Variants in ERICH1 observed in about 807,000 individuals in gnomAD.
The protein encoded by ERICH1 is glutamate-rich protein 1.
Under a neutral mutation model 39.6 loss-of-function variants are expected in ERICH1, and 56 were observed. The observed-to-expected ratio is 1.41, with a 90% CI of 1.14 to 1.77. ERICH1 has a LOEUF of 1.77. Among genes scored for constraint, ERICH1 ranks in the 40% most tolerant of loss-of-function variants. ERICH1 has a pLI of 0.00. For synonymous variants in ERICH1, 313 were observed against 223.6 expected, an observed-to-expected ratio of 1.40 and a Z score of -3.57; for missense variants, 826 against 575.4, an observed-to-expected ratio of 1.44 and a Z score of -4.45.
chr8:726,517 G>A (rs541429922), intron 1 of ERICH1, among the ~76,000 whole-genome samples: 2 of 121,344 alleles, frequency 1.6e-5, no homozygotes, highest in South Asian at 5.3e-4. Context: ...TAGGCAAACA[G>A]CCAGACACTC....
chr8:649,735 T>C (rs975665382), intron 3 of ERICH1, among the ~76,000 whole-genome samples: 16 of 152,000 alleles, frequency 1.1e-4, no homozygotes, highest in African/African-American at 3.9e-4. Flanking sequence ...GGCCCCTGGC[T>C]GAGCAGTGTG....
Position 731,136 on chromosome 8 carries a change from C to A in ERICH1, c.22+4G>T. ...GGGCAGGCCTCCGCACCGCACCCAC[C>A]TACCGTGCTTCCTGTGCGCCGCCAT... On this transcript the variant is annotated splice_donor_region_variant and intron_variant, in intron 1 of 5. Coordinates refer to ENST00000262109, the MANE Select transcript of ERICH1 (RefSeq NM_207332.3). The A allele has an allele frequency of 6.6e-7, 1 of 1,525,332 alleles. No homozygotes were observed. Among genetic ancestry groups the A allele is most frequent in the Non-Finnish European group, 8.8e-7 (1 of 1,139,058 alleles). 94.5% of individuals were successfully genotyped at this position (1,525,332 alleles called of 1,614,324 possible). A position where few individuals can be genotyped will look rare whatever the true frequency, so the allele number is the denominator to read the frequency against.
chr8:681,603 T>C (rs187063939), intron 3 of ERICH1, among the ~76,000 whole-genome samples: 1 of 152,198 alleles, frequency 6.6e-6, no homozygotes, highest in Non-Finnish European at 1.5e-5. Flanking sequence ...CTGGAGGTCT[T>C]GCCACCAGAA....
chr8:705,870 G>T (rs1303656177), intron 2 of ERICH1, among the ~76,000 whole-genome samples: 9 of 152,188 alleles, frequency 5.9e-5, no homozygotes, highest in African/African-American at 1.9e-4. Context: ...GGAGCCTTAA[G>T]ATAATGCGGA....
chr8:636,515 A>G (rs998909919), intron 3 of ERICH1, among the ~76,000 whole-genome samples: 8 of 152,304 alleles, frequency 5.3e-5, no homozygotes, highest in African/African-American at 1.7e-4. Context: ...GTTCTGCCCC[A>G]CGTGGGCCCA....
chr8:708,713 A>C (rs555295004), intron 2 of ERICH1, among the ~76,000 whole-genome samples: 1 of 12,366 alleles, frequency 8.1e-5, no homozygotes, highest in Non-Finnish European at 1.8e-4. Context: ...TTTTTTTTTG[A>C]GACAGGGTCT....
At chr8:655,995 C>T (rs1800616378) in intron 3 of ERICH1, among the ~76,000 whole-genome samples, 1 of 152,130 alleles carries the variant, frequency 6.6e-6, no homozygotes, top group Non-Finnish European at 1.5e-5. Flanking sequence ...CCTCTTCAGC[C>T]TCCGCAGATG....
chr8:655,991 C>G (rs1800615126), intron 3 of ERICH1, among the ~76,000 whole-genome samples: 1 of 152,096 alleles, frequency 6.6e-6, no homozygotes, highest in African/African-American at 2.4e-5. Flanking sequence ...GCTCCCTCTT[C>G]AGCCTCCGCA....
chr8:668,906 C>A (rs1802719365), intron 4 of ERICH1, 114 bp from the exon 5 acceptor site: 3 of 925,834 alleles, frequency 3.2e-6, no homozygotes, highest in Admixed American at 2.9e-5. Context: ...CACAGAATGA[C>A]ATATCTGGGA....
In ERICH1 at chr8:673,731, C is replaced by T. The variant is rs1018605132; in HGVS notation, c.621G>A (p.Glu207=). 6.2e-7 allele frequency: 1 copy of T among 1,614,172 alleles called. No homozygotes were observed. The highest frequency in any genetic ancestry group is 8.5e-7 in the Non-Finnish European group (1 of 1,180,022). The change falls in exon 4 of 6, where the codon GAG becomes GAA. Residue 207 remains glutamate, a synonymous_variant. Coordinates refer to ENST00000262109, the MANE Select transcript of ERICH1 (RefSeq NM_207332.3). ...CCTCGCTGGTGTCCACACCATCCTCCTCACAAGCCTCTCCCACGCCTTCCC... is the reference window on the plus strand; with the variant it reads ...CCTCGCTGGTGTCCACACCATCCTCTTCACAAGCCTCTCCCACGCCTTCCC... ...NEGEGVGEAC[E]EDGVDTSEED... is the part of the protein sequence containing the mutation.
At chr8:678,825 C>A (rs541699322) in intron 3 of ERICH1, among the ~76,000 whole-genome samples, 2 of 152,070 alleles carry the variant, frequency 1.3e-5, no homozygotes, top group African/African-American at 4.8e-5. Flanking sequence ...AAGAAAAAGC[C>A]AACACATGTC....
At chr8:699,894 C>T (rs1196952551) in intron 2 of ERICH1, among the ~76,000 whole-genome samples, 1 of 129,740 alleles carries the variant, frequency 7.7e-6, no homozygotes, top group African/African-American at 2.8e-5. Flanking sequence ...TCCGCACACG[C>T]GCACAGACCC....
intron 2 of ERICH1, among the ~76,000 whole-genome samples, chr8:708,681 G>GTTTTTTTTTTGTTTTTTTTTTTTTTTTTT (rs1563319316): frequency 4.6e-5 from 3 of 65,778 alleles, no homozygotes; most frequent in South Asian, 6.2e-4. Flanking sequence ...GGGATAATGA[G>GTTTTTTTTTTGTTTTTTTTTTTTTTTTTT]TTTTTTTTTT....
downstream of ERICH1, among the ~76,000 whole-genome samples, chr8:663,335 G>A (rs1041352407): frequency 2.0e-5 from 3 of 152,244 alleles, no homozygotes; most frequent in African/African-American, 7.2e-5. Context: ...GAAGAGGACA[G>A]CAACACTTGA....
chr8:616,652 C>G, intron 3 of ERICH1: 1 of 444,404 alleles, frequency 2.3e-6, no homozygotes, highest in South Asian at 1.6e-5. Context: ...GAGAGACAGA[C>G]GGGGGCGCGG....
Position 684,287 on chromosome 8 carries a change from G to A in ERICH1, c.304+8191C>T, listed in dbSNP as rs574142042. ...ACAATTTTTTTAATTTAAAGAATAGGAAAGTTAAGAAAGTAATTAAAACAG... is the reference window on the plus strand; with the variant it reads ...ACAATTTTTTTAATTTAAAGAATAGAAAAGTTAAGAAAGTAATTAAAACAG... On this transcript the variant is annotated intron_variant, in intron 3 of 5. Coordinates refer to ENST00000262109, the MANE Select transcript of ERICH1 (RefSeq NM_207332.3). Among the ~76,000 whole-genome samples, 30 of 152,082 alleles carry A rather than the reference G, an allele frequency of 2.0e-4. 1 individual carries two copies. The South Asian group carries it at 5.6e-3, about 28-fold the overall frequency.
chr8:691,514 G>A (rs895118142), intron 3 of ERICH1, among the ~76,000 whole-genome samples: 5 of 152,232 alleles, frequency 3.3e-5, no homozygotes, highest in Admixed American at 6.5e-5. Context: ...GAGGGCCAAC[G>A]CACTTCCTTC....
downstream of ERICH1, among the ~76,000 whole-genome samples, chr8:663,073 T>G (rs1467173567): frequency 6.6e-6 from 1 of 152,218 alleles, no homozygotes; most frequent in African/African-American, 2.4e-5. Flanking sequence ...GCCTACAACC[T>G]GCATCAAGAC....
At chr8:618,040 A>C (rs148669785) in intron 3 of ERICH1, among the ~76,000 whole-genome samples, 66 of 147,506 alleles carry the variant, frequency 4.5e-4, no homozygotes, top group African/African-American at 1.1e-3. Flanking sequence ...CTGCCATATG[A>C]GTGCTCAATG....
Sources: gnomAD v4.1 joint callset for allele counts (sites outside exome capture counted in the v4.1 genomes callset) on GRCh38, gnomAD v4.1.1 for gene constraint, MANE v1.5 for transcripts, NCBI Gene and HGNC (gene_info 2026-07-23, HGNC 2026-07-21) for gene names.